Variants in SLC44A5 observed in about 807,000 individuals in gnomAD.
SLC44A5 encodes the protein choline transporter-like protein 5.
Under a neutral mutation model 101.8 loss-of-function variants are expected in SLC44A5, and 57 were observed. The observed-to-expected ratio is 0.56, with a 90% CI of 0.45 to 0.70. SLC44A5 has a LOEUF of 0.70. Among genes scored for constraint, SLC44A5 ranks in the 30% least tolerant of loss-of-function variants. SLC44A5 has a pLI of 0.00. For synonymous variants in SLC44A5, 281 were observed against 290.9 expected (o/e 0.97, Z 0.35); for missense variants, 737 against 853.1 (o/e 0.86, Z 1.70).
intron 1 of SLC44A5, among the ~76,000 whole-genome samples, chr1:75,594,780 T>A (rs1031387115): frequency 1.3e-5 from 2 of 151,884 alleles, no homozygotes; most frequent in Non-Finnish European, 2.9e-5. Flanking sequence ...GGTACCTTTT[T>A]TTTTTATCAT....
chr1:75,209,507 G>A (rs1646812405), intron 23 of SLC44A5, among the ~76,000 whole-genome samples: 1 of 152,126 alleles, frequency 6.6e-6, no homozygotes, highest in Non-Finnish European at 1.5e-5. Context: ...GTGATATTTT[G>A]TAGATAGATG....
intron 1 of SLC44A5, among the ~76,000 whole-genome samples, chr1:75,549,574 G>A (rs1012226859): frequency 6.6e-6 from 1 of 152,076 alleles, no homozygotes; most frequent in Non-Finnish European, 1.5e-5. Flanking sequence ...CTAAGCATAG[G>A]TGCAGATGGT....
intron 3 of SLC44A5, among the ~76,000 whole-genome samples, chr1:75,376,379 G>T (rs1487436097): frequency 6.6e-6 from 1 of 152,160 alleles, no homozygotes; most frequent in Non-Finnish European, 1.5e-5. Flanking sequence ...CCACCCCTGG[G>T]GGCAGGGCAC....
chr1:75,369,209 GGTTTT>G (rs1306836996), intron 3 of SLC44A5, among the ~76,000 whole-genome samples: 2 of 151,762 alleles, frequency 1.3e-5, no homozygotes, highest in East Asian at 3.9e-4. Context: ...GAAGAGACAG[GGTTTT>G]GTTTTGTTGC....
the SLC44A5 span, among the ~76,000 whole-genome samples, chr1:75,711,193 G>C: frequency 0.91 from 137,715 of 151,886 alleles, 62,629 homozygotes; most frequent in Middle Eastern, 0.93. Flanking sequence ...AGACTGCATA[G>C]GCCTTGACCC....
chr1:75,577,232 C>G (rs1320569254), intron 1 of SLC44A5, among the ~76,000 whole-genome samples: 1 of 152,236 alleles, frequency 6.6e-6, no homozygotes, highest in African/African-American at 2.4e-5. Context: ...CTCTTGCCCC[C>G]ACAGTCTATT....
intron 1 of SLC44A5, among the ~76,000 whole-genome samples, chr1:75,553,607 A>G (rs574295353): frequency 6.6e-6 from 1 of 152,318 alleles, no homozygotes; most frequent in African/African-American, 2.4e-5. Flanking sequence ...AGAAGGGAGG[A>G]AAGAAAGGTA....
At chr1:75,627,538 C>A in the SLC44A5 span, among the ~76,000 whole-genome samples, 1 of 151,906 alleles carries the variant, frequency 6.6e-6, no homozygotes, top group South Asian at 2.1e-4. Flanking sequence ...TTTTAAATAT[C>A]CAGGCACGGT....
the SLC44A5 span, among the ~76,000 whole-genome samples, chr1:75,721,776 A>T: frequency 1.1e-4 from 16 of 152,334 alleles, no homozygotes; most frequent in South Asian, 3.3e-3. Flanking sequence ...GTTTAAAAAG[A>T]CAGTTATTAT....
At chr1:75,339,172 G>C (rs761654186) in intron 4 of SLC44A5, among the ~76,000 whole-genome samples, 5 of 152,148 alleles carry the variant, frequency 3.3e-5, no homozygotes, top group Non-Finnish European at 5.9e-5. Flanking sequence ...AAGCTGAGCA[G>C]CACAAATACT....
intron 2 of SLC44A5, among the ~76,000 whole-genome samples, chr1:75,454,151 A>G (rs1173365845): frequency 2.6e-5 from 4 of 152,142 alleles, no homozygotes; most frequent in South Asian, 2.1e-4. Context: ...AATCCTCAAC[A>G]AAACACTAGC....
intron 1 of SLC44A5, among the ~76,000 whole-genome samples, chr1:75,545,188 C>T (rs1198136102): frequency 1.3e-5 from 2 of 152,156 alleles, no homozygotes; most frequent in African/African-American, 4.8e-5. Context: ...GACACGATCT[C>T]ATCCTTTTTA....
intron 2 of SLC44A5, among the ~76,000 whole-genome samples, chr1:75,529,493 T>A (rs1670603807): frequency 6.6e-6 from 1 of 152,188 alleles, no homozygotes; most frequent in Non-Finnish European, 1.5e-5. Context: ...TACAGAAGAA[T>A]CAGGGTGGCC....
At chr1:75,342,999 C>A (rs1657996665) in intron 3 of SLC44A5, among the ~76,000 whole-genome samples, 1 of 151,908 alleles carries the variant, frequency 6.6e-6, no homozygotes, top group Non-Finnish European at 1.5e-5. Flanking sequence ...TCCTGCAAAT[C>A]AATAGAGGGC....
At chr1:75,315,669 T>C (rs1655635405) in intron 4 of SLC44A5, among the ~76,000 whole-genome samples, 1 of 152,178 alleles carries the variant, frequency 6.6e-6, no homozygotes, top group South Asian at 2.1e-4. Context: ...ATCTCATCTA[T>C]ACCATAGTTT....
intron 23 of SLC44A5, among the ~76,000 whole-genome samples, chr1:75,207,055 C>A (rs1184157173): frequency 1.3e-5 from 2 of 152,110 alleles, no homozygotes; most frequent in African/African-American, 4.8e-5. Context: ...TTGCCAAATC[C>A]TCCGGGATGG....
At chr1:75,561,927 A>AT (rs1467808180) in intron 1 of SLC44A5, among the ~76,000 whole-genome samples, 1 of 151,676 alleles carries the variant, frequency 6.6e-6, no homozygotes, top group African/African-American at 2.4e-5. Flanking sequence ...TTAATGTAAT[A>AT]TTTTTTGTTA....
At chr1:75,349,174 T>G (rs1419200417) in intron 3 of SLC44A5, among the ~76,000 whole-genome samples, 1 of 152,068 alleles carries the variant, frequency 6.6e-6, no homozygotes, top group Non-Finnish European at 1.5e-5. Context: ...TCATCTCTAC[T>G]TAAAATATAT....
chr1:75,227,924 C>T (rs1387795914), intron 12 of SLC44A5, 67 bp from the exon 13 acceptor site: 2 of 1,273,540 alleles, frequency 1.6e-6, no homozygotes, highest in East Asian at 2.6e-5. Flanking sequence ...TATATGTGCT[C>T]ATCATACATA....
Sources: gnomAD v4.1 joint callset for allele counts (sites outside exome capture counted in the v4.1 genomes callset) on GRCh38, gnomAD v4.1.1 for gene constraint, MANE v1.5 for transcripts, NCBI Gene and HGNC (gene_info 2026-07-23, HGNC 2026-07-21) for gene names.